Variants in ROBO2 observed in about 807,000 individuals in gnomAD.
The protein encoded by ROBO2 is roundabout homolog 2.
ROBO2 carries 53 observed loss-of-function variants against 160.8 expected under a neutral mutation model. The observed-to-expected ratio is 0.33, with a 90% CI of 0.26 to 0.41. The LOEUF is 0.41. ROBO2 is among the 10% of genes least tolerant of loss of function. The pLI, the probability that ROBO2 is intolerant of heterozygous loss-of-function variation, is 1.00. For missense variants in ROBO2, 1,577 were observed against 1,722.4 expected (o/e 0.92, Z 1.49); for synonymous variants, 664 against 611.7 (o/e 1.09, Z -1.26).
chr3:76,182,151 A>G (rs1701538075), intron 2 of ROBO2, among the ~76,000 whole-genome samples: 1 of 151,988 alleles, frequency 6.6e-6, no homozygotes, highest in African/African-American at 2.4e-5. Flanking sequence ...TTTTCAATGA[A>G]AAGAAAGCAA....
At chr3:76,562,421 A>C (rs1465466563) in intron 2 of ROBO2, among the ~76,000 whole-genome samples, 1 of 146,356 alleles carries the variant, frequency 6.8e-6, no homozygotes, top group Admixed American at 7.0e-5. Context: ...CTACTGATAC[A>C]TGCATCTTAT....
At chr3:77,435,546 T>C (rs542087430) in intron 2 of ROBO2, among the ~76,000 whole-genome samples, 1 of 152,074 alleles carries the variant, frequency 6.6e-6, no homozygotes, top group South Asian at 2.1e-4. Context: ...CCTTTCAAAC[T>C]GTATTCCCAT....
chr3:76,833,978 TTTC>T (rs2067308900), intron 2 of ROBO2, among the ~76,000 whole-genome samples: 2 of 122,826 alleles, frequency 1.6e-5, no homozygotes, highest in South Asian at 5.4e-4. Context: ...TTCTCTTTCT[TTTC>T]TTTCTTTCTT....
At chr3:76,560,942 A>G (rs2084144349) in intron 2 of ROBO2, among the ~76,000 whole-genome samples, 1 of 6,714 alleles carries the variant, frequency 1.5e-4, no homozygotes, top group Non-Finnish European at 4.7e-4. Context: ...AGATATATAT[A>G]TATATATATA....
intron 2 of ROBO2, among the ~76,000 whole-genome samples, chr3:76,140,130 CA>C (rs2071576809): frequency 6.6e-6 from 1 of 152,032 alleles, no homozygotes; most frequent in Non-Finnish European, 1.5e-5. Context: ...AGCTAGCATT[CA>C]TTAATCAAGT....
chr3:76,317,322 G>A (rs2107837207), intron 2 of ROBO2, among the ~76,000 whole-genome samples: 1 of 152,170 alleles, frequency 6.6e-6, no homozygotes, highest in African/African-American at 2.4e-5. Context: ...TGTAACGCTG[G>A]GAAATCATTT....
chr3:76,189,060 A>G (rs1482272690), intron 2 of ROBO2, among the ~76,000 whole-genome samples: 1 of 152,094 alleles, frequency 6.6e-6, no homozygotes, highest in African/African-American at 2.4e-5. Context: ...ACATCATAGG[A>G]ATAAACACTG....
rs75328776 is a variant in ROBO2 at position 77,446,356 on chromosome 3, C to T, written c.389-31058C>T. ...TGATAATGTTTTGCAATATGTATTT[C>T]ATAATTTGAAACCAATAACAATTTG... On this transcript the variant is annotated intron_variant, in intron 2 of 25. Coordinates refer to ENST00000461745, the Ensembl canonical transcript of ROBO2. Among the ~76,000 whole-genome samples the T allele has an allele frequency of 7.6e-4, 115 of 152,104 alleles. 1 individual carries two copies. The highest frequency in any genetic ancestry group is 1.8e-3 in the African/African-American group (75 of 41,528).
At chr3:77,316,971 T>G in intron 2 of ROBO2, 1 of 1,433,648 alleles carries the variant, frequency 7.0e-7, no homozygotes, top group Non-Finnish European at 9.8e-7. Flanking sequence ...TGTTTCCTGC[T>G]GTCCAGACGA....
At chr3:76,955,193 C>T (rs1272886511) in intron 2 of ROBO2, among the ~76,000 whole-genome samples, 1 of 152,170 alleles carries the variant, frequency 6.6e-6, no homozygotes, top group Admixed American at 6.5e-5. Context: ...TCATAGCATG[C>T]ATCAGAACTT....
intron 5 of ROBO2, among the ~76,000 whole-genome samples, chr3:77,493,940 A>T (rs896920011): frequency 6.6e-6 from 1 of 152,060 alleles, no homozygotes; most frequent in Non-Finnish European, 1.5e-5. Flanking sequence ...CCATCTCTTC[A>T]TGGAGACCTT....
At chr3:76,018,006 C>A (rs541336162) in intron 2 of ROBO2, among the ~76,000 whole-genome samples, 4 of 151,786 alleles carry the variant, frequency 2.6e-5, no homozygotes, top group African/African-American at 9.7e-5. Flanking sequence ...TTGAGTATGC[C>A]CCTTCTCTAA....
chr3:76,179,565 A>T (rs1263221284), intron 2 of ROBO2, among the ~76,000 whole-genome samples: 1 of 152,118 alleles, frequency 6.6e-6, no homozygotes, highest in Admixed American at 6.6e-5. Context: ...CTCCGCTCTT[A>T]TACATCACCA....
At chr3:77,224,989 T>A (rs188552722) in intron 2 of ROBO2, among the ~76,000 whole-genome samples, 46 of 151,976 alleles carry the variant, frequency 3.0e-4, no homozygotes, top group Non-Finnish European at 4.4e-4. Flanking sequence ...ATTATATGAT[T>A]TTTTTACTTT....
chr3:76,198,669 T>C (rs1296273293), intron 2 of ROBO2, among the ~76,000 whole-genome samples: 1 of 152,150 alleles, frequency 6.6e-6, no homozygotes, highest in Non-Finnish European at 1.5e-5. Context: ...ATCTATTGCC[T>C]CTGAAGGTGG....
intron 2 of ROBO2, among the ~76,000 whole-genome samples, chr3:76,664,977 C>G (rs757550766): frequency 3.2e-4 from 48 of 152,076 alleles, no homozygotes; most frequent in Middle Eastern, 6.3e-3. Flanking sequence ...AGATGAATTG[C>G]GTGAGGGCCA....
intron 2 of ROBO2, among the ~76,000 whole-genome samples, chr3:77,448,846 G>A (rs2080846706): frequency 6.6e-6 from 1 of 151,240 alleles, no homozygotes; most frequent in Non-Finnish European, 1.5e-5. Context: ...TCACATATAA[G>A]AGCCAAGTTA....
intron 1 of ROBO2, among the ~76,000 whole-genome samples, chr3:75,933,480 C>A (rs2106958922): frequency 6.6e-6 from 1 of 151,974 alleles, no homozygotes; most frequent in South Asian, 2.1e-4. Context: ...CTATTGCCAA[C>A]AGCAATACTT....
intron 2 of ROBO2, among the ~76,000 whole-genome samples, chr3:77,205,931 C>T (rs1349688952): frequency 1.3e-5 from 2 of 152,090 alleles, no homozygotes; most frequent in Non-Finnish European, 2.9e-5. Flanking sequence ...CTTAAAACAA[C>T]AGAAATGCAT....
Sources: allele counts gnomAD v4.1 joint callset (sites outside exome capture counted in the v4.1 genomes callset), GRCh38; gene constraint gnomAD v4.1.1; transcripts MANE v1.5; gene names NCBI Gene and HGNC (gene_info 2026-07-23, HGNC 2026-07-21).